TPR: variants seen among roughly 807,000 people sequenced by gnomAD.
The protein encoded by TPR is nucleoprotein TPR.
Under a neutral mutation model 316.1 loss-of-function variants are expected in TPR, and 51 were observed. The ratio of observed to expected loss-of-function variants is 0.16; its 90% CI spans 0.13 to 0.20. The LOEUF is 0.20. Among genes scored for constraint, TPR ranks in the 10% least tolerant of loss-of-function variants. TPR has a pLI of 1.00. For synonymous variants in TPR, 981 were observed against 914.7 expected, an observed-to-expected ratio of 1.07 and a Z score of -1.31; for missense variants, 2,272 against 2,754.8, an observed-to-expected ratio of 0.82 and a Z score of 3.92.
chr1:186,348,199 CTAG>C (rs1658739674), intron 21 of TPR, among the ~76,000 whole-genome samples: 2 of 152,032 alleles, frequency 1.3e-5, no homozygotes, highest in African/African-American at 4.8e-5. Context: ...AATTCTTTTC[CTAG>C]CAAGGAATAT....
At chr1:186,374,797 T>G (rs541567611) in intron 1 of TPR, 81 bp downstream of exon 1, 3 of 1,464,418 alleles carry the variant, frequency 2.0e-6, no homozygotes, top group Non-Finnish European at 2.8e-6. Flanking sequence ...CGGTACCCAG[T>G]GCCAACTTGA....
At chr1:186,353,103 T>C (rs1658913470) in intron 18 of TPR, among the ~76,000 whole-genome samples, 3 of 152,180 alleles carry the variant, frequency 2.0e-5, no homozygotes, top group Non-Finnish European at 4.4e-5. Flanking sequence ...CCAGGCACTG[T>C]GGCTCATGCC....
Position 186,326,176 on chromosome 1 carries a change from A to C in TPR, c.5949T>G (p.Asp1983Glu). The C allele has an allele frequency of 6.2e-7, 1 of 1,611,060 alleles. No homozygotes were observed. Among genetic ancestry groups the C allele is most frequent in the Non-Finnish European group, 8.5e-7 (1 of 1,177,464 alleles). ...TTCCTTCATTACTATCTTCACCCTCATCTCCCATCCCTGTGTCATCTTCAT... is the reference window on the plus strand; with the variant it reads ...TTCCTTCATTACTATCTTCACCCTCCTCTCCCATCCCTGTGTCATCTTCAT... ...DDDEDDTGMG[D>E]EGEDSNEGTG... Residue 1983 changes from aspartate to glutamate, a missense_variant, in exon 41 of 51, where the codon GAT becomes GAG. Asp to Glu is a conservative substitution (Grantham distance 45). This residue lies in a region of TPR where 435 missense variants were observed against 461.1 expected (regional missense o/e 0.94). Coordinates refer to ENST00000367478, the MANE Select transcript of TPR (RefSeq NM_003292.3).
At chr1:186,335,692 T>G in intron 33 of TPR, 149 bp from the exon 34 acceptor site, 1 of 502,614 alleles carries the variant, frequency 2.0e-6, no homozygotes, top group Non-Finnish European at 3.4e-6. Flanking sequence ...ATGAGCAAAG[T>G]TCTAAGTACA....
intron 42 of TPR, 200 bp downstream of exon 42, chr1:186,325,564 A>G: frequency 4.5e-6 from 2 of 446,444 alleles, no homozygotes; most frequent in Non-Finnish European, 7.8e-6. Flanking sequence ...CCAATGAGGC[A>G]GAAAAGAGTA....
intron 4 of TPR, among the ~76,000 whole-genome samples, chr1:186,363,768 T>C (rs911116463): frequency 6.6e-6 from 1 of 152,186 alleles, no homozygotes; most frequent in Admixed American, 6.5e-5. Context: ...GTGTATTTTA[T>C]CATTTACTAC....
chr1:186,333,234 CT>C lies in TPR; in HGVS notation c.5342del (p.Gln1781ArgfsTer17). The C allele has an allele frequency of 6.2e-7, 1 of 1,613,644 alleles. No individual in the cohort carries two copies. Among genetic ancestry groups the C allele is most frequent in the Middle Eastern group, 1.7e-4 (1 of 6,060 alleles). On this transcript the variant is annotated frameshift_variant, in exon 37 of 51. Coordinates refer to ENST00000367478, the MANE Select transcript of TPR (RefSeq NM_003292.3). LOFTEE classifies it high-confidence loss of function. ...QATAFVQPTQ[Q>X]SHPQIEPANQ... ...TGGCAGGCTCAATCTGAGGATGACT[CT>C]GTTGAGTGGGTTGCACAAAAGCTGT...
At chr1:186,330,602 C>G (rs1001186717) in intron 39 of TPR, among the ~76,000 whole-genome samples, 1 of 152,026 alleles carries the variant, frequency 6.6e-6, no homozygotes, top group Non-Finnish European at 1.5e-5. Context: ...TCCCCAAAAC[C>G]TGCTGAATAT....
rs1305593935 is a variant in TPR, at chr1:186,326,336, CA to C, written c.5890-102del. 5 of 1,502,948 alleles carry C rather than the reference CA, an allele frequency of 3.3e-6. No individual in the cohort carries two copies. The African/African-American group carries it at 6.9e-5, about 21-fold the overall frequency. 93.1% of individuals were successfully genotyped at this position (1,502,948 alleles called of 1,614,324 possible). ...TTAGAAATTTAAGTGACTCATTAAT[CA>C]GAAGATAGGAATTGTCCTGAGAGTT... On this transcript the variant is annotated intron_variant, in intron 40 of 50. Coordinates refer to ENST00000367478, the MANE Select transcript of TPR (RefSeq NM_003292.3).
intron 25 of TPR, 119 bp downstream of exon 25, chr1:186,344,256 A>G (rs1658608715): frequency 7.3e-7 from 1 of 1,360,912 alleles, no homozygotes; most frequent in African/African-American, 1.5e-5. Flanking sequence ...CCCCAATATC[A>G]CGCCATTGCA....
chr1:186,344,700 C>G (rs1206473959), intron 24 of TPR, 122 bp from the exon 25 acceptor site: 2 of 672,062 alleles, frequency 3.0e-6, no homozygotes, highest in Admixed American at 4.0e-5. Flanking sequence ...CTAAATGTAG[C>G]AAAATAAGAA....
In TPR at chr1:186,373,371, G is replaced by A. The variant is rs779430659; in HGVS notation, c.244C>T (p.Leu82=). The A allele has an allele frequency of 1.9e-6, 3 of 1,612,518 alleles. No individual in the cohort carries two copies. The highest frequency in any genetic ancestry group is 2.5e-6 in the Non-Finnish European group (3 of 1,178,988). ...ATTAAATACTTACTGAGTTTCTCTAGCTCAAGCCGCAAGCTTTGACACTCT... is the reference window on the plus strand; with the variant it reads ...ATTAAATACTTACTGAGTTTCTCTAACTCAAGCCGCAAGCTTTGACACTCT... ...TRECQSLRLE[L]EKLNNQLKAL... Residue 82 remains leucine, a synonymous_variant, in exon 2 of 51, where the codon CTA becomes TTA. Coordinates refer to ENST00000367478, the MANE Select transcript of TPR (RefSeq NM_003292.3).
intron 14 of TPR, 58 bp from the exon 15 acceptor site, chr1:186,356,507 T>A: frequency 6.7e-7 from 1 of 1,485,706 alleles, no homozygotes; most frequent in Non-Finnish European, 9.1e-7. Context: ...TGATTGTAAT[T>A]TCTACTGTAA....
intron 10 of TPR, 24 bp downstream of exon 10, chr1:186,360,741 C>CT (rs1181081624): frequency 3.1e-6 from 5 of 1,611,448 alleles, no homozygotes; most frequent in African/African-American, 1.3e-5. Context: ...TTTCAACTCA[C>CT]TAACAAGCAT....
At position 186,327,136 on chromosome 1, in the gene TPR, T is replaced by C. The variant is rs868200380; in HGVS notation, c.5889+324A>G. 5.2e-4 allele frequency among the ~76,000 whole-genome samples: 5 copies of C among 9,692 alleles called. 1 individual carries two copies. In the East Asian group the frequency reaches 0.012, roughly 22 times the overall value. The allele number at this position is 9,692 out of a possible 152,430, so 6.4% of individuals were successfully genotyped here. ...ATATATAAATATATAACATATATAT[T>C]ATATATATAAATATATATAAATATA... On this transcript the variant is annotated intron_variant, in intron 40 of 50. Coordinates refer to ENST00000367478, the MANE Select transcript of TPR (RefSeq NM_003292.3).
chr1:186,312,526 A>G lies in TPR; in HGVS notation c.*1445T>C. ...AACTCATCCACTTGCCTTAGTGAAT[A>G]ACCAAAGACCAATACTTTCTTTTTC... On this transcript the variant is annotated 3_prime_UTR_variant, in exon 51 of 51. Coordinates refer to ENST00000367478, the MANE Select transcript of TPR (RefSeq NM_003292.3). The G allele has an allele frequency of 1.2e-6, 1 of 846,638 alleles. No individual in the cohort carries two copies. Among genetic ancestry groups the G allele is most frequent in the South Asian group, 1.8e-5 (1 of 55,558 alleles). The allele number at this position is 846,638 out of a possible 1,614,324, so 52.4% of individuals were successfully genotyped here.
chr1:186,319,046 A>C (rs959223342), intron 46 of TPR, among the ~76,000 whole-genome samples: 1 of 152,174 alleles, frequency 6.6e-6, no homozygotes, highest in South Asian at 2.1e-4. Context: ...TTAAGAGTGC[A>C]GTGACACCAC....
At position 186,347,403 on chromosome 1, in the gene TPR, T is replaced by G. The variant is rs1305233410; in HGVS notation, c.2832A>C (p.Thr944=). Residue 944 remains threonine (T), a synonymous_variant, in exon 22 of 51, where the codon ACA becomes ACC. Transcript: ENST00000367478. ...VDDLVSQLRQ[T]EEQVNDLKER... The stretch of plus-strand genomic sequence containing the variant: ...CCTTTAAGTCATTCACCTGCTCTTC[T>G]GTCTGTCTTAGCTGACTCACAAGAT... 2.5e-6 allele frequency: 4 copies of G among 1,614,066 alleles called. No individual in the cohort carries two copies.
intron 49 of TPR, among the ~76,000 whole-genome samples, chr1:186,316,397 C>T (rs1035848478): frequency 2.6e-5 from 4 of 152,076 alleles, no homozygotes; most frequent in African/African-American, 9.7e-5. Flanking sequence ...TGTGTCACAT[C>T]AAAGCAGCTG....
Sources: gnomAD v4.1 joint callset for allele counts (sites outside exome capture counted in the v4.1 genomes callset) on GRCh38, gnomAD v4.1.1 for gene constraint, gnomAD v4.1.1 regional missense constraint, MANE v1.5 for transcripts, NCBI Gene and HGNC (gene_info 2026-07-23, HGNC 2026-07-21) for gene names.